Variants in SSH2 observed in about 807,000 individuals in gnomAD.
The protein encoded by SSH2 is protein phosphatase Slingshot homolog 2.
In SSH2, 37 loss-of-function variants were observed where a neutral mutation model predicts 135.2. The ratio of observed to expected loss-of-function variants is 0.27; its 90% confidence interval spans 0.21 to 0.36. The LOEUF (loss-of-function observed/expected upper bound fraction) is 0.36. Ranked by LOEUF, SSH2 falls within the 10% of genes least tolerant of loss-of-function variation. The probability of loss-of-function intolerance (pLI) is 1.00; values close to 1 mark genes in which losing one functional copy is unlikely to be tolerated. For synonymous variants in SSH2, 628 were observed against 646.2 expected, an observed-to-expected ratio of 0.97 and a Z score of 0.43; for missense variants, 1,408 against 1,765.3, an observed-to-expected ratio of 0.80 and a Z score of 3.63.
chr17:29,736,896 G>C (rs746388956), intron 3 of SSH2, among the ~76,000 whole-genome samples: 1 of 148,012 alleles, frequency 6.8e-6, no homozygotes, highest in Admixed American at 6.8e-5. Flanking sequence ...TCAGGAGATC[G>C]AGACCATCCT....
intron 9 of SSH2, among the ~76,000 whole-genome samples, chr17:29,670,693 G>GA (rs768604547): frequency 2.6e-5 from 4 of 152,192 alleles, no homozygotes; most frequent in African/African-American, 4.8e-5. Context: ...AGAATTGCTT[G>GA]AACCCGGGAG....
At chr17:29,842,499 C>T (rs2043060748) in intron 2 of SSH2, among the ~76,000 whole-genome samples, 1 of 151,154 alleles carries the variant, frequency 6.6e-6, no homozygotes, top group African/African-American at 2.4e-5. Context: ...AATGGGCAGC[C>T]ACAATGAGAA....
intron 1 of SSH2, among the ~76,000 whole-genome samples, chr17:29,921,873 T>A (rs1209437344): frequency 1.3e-5 from 2 of 152,204 alleles, no homozygotes; most frequent in Non-Finnish European, 2.9e-5. Context: ...TTTTGAGCTC[T>A]GATAATACAA....
chr17:29,863,646 G>A (rs1250756941), intron 1 of SSH2: 1 of 152,138 alleles, frequency 6.6e-6, no homozygotes, highest in Admixed American at 6.5e-5. Flanking sequence ...TCAGAACCTT[G>A]ACAACTGCAT....
intron 14 of SSH2, chr17:29,641,820 G>C (rs1381833789): frequency 6.6e-6 from 1 of 152,044 alleles, no homozygotes; most frequent in Non-Finnish European, 1.5e-5. Flanking sequence ...AAAGGAAAAG[G>C]CTGCTAAAAA....
At chr17:29,734,970 A>C in intron 3 of SSH2, among the ~76,000 whole-genome samples, 1 of 152,156 alleles carries the variant, frequency 6.6e-6, no homozygotes, top group East Asian at 1.9e-4. Context: ...AAAAGAGTTT[A>C]CTTGGGTTTC....
intron 3 of SSH2, among the ~76,000 whole-genome samples, chr17:29,724,097 A>G (rs966826800): frequency 3.3e-5 from 5 of 152,218 alleles, no homozygotes; most frequent in African/African-American, 1.2e-4. Flanking sequence ...TGACAGCAAA[A>G]GCTACAACAG....
Position 29,746,590 on chromosome 17 carries a change from T to C in SSH2, c.189-43528A>G, listed in dbSNP as rs555465198. Among the ~76,000 whole-genome samples, 34 of 139,838 alleles carry C rather than the reference T, an allele frequency of 2.4e-4. 2 individuals are homozygous for C. The East Asian group carries it at 4.9e-3, about 20-fold the overall frequency. The allele number at this position is 139,838 out of a possible 152,430, so 91.7% of individuals were successfully genotyped here. On this transcript the variant is annotated intron_variant, in intron 3 of 15. Coordinates refer to ENST00000540801, the MANE Select transcript of SSH2 (RefSeq NM_001282129.2). ...AAAAAAAAGGAAAAAAGAGAGATGA[T>C]ACAATTATGGGAAATTAAAACTTTT...
intron 8 of SSH2, chr17:29,676,571 T>G: frequency 2.3e-6 from 1 of 436,584 alleles, no homozygotes; most frequent in Non-Finnish European, 4.2e-6. Context: ...TCTAAACCGT[T>G]AAGTCTCTGC....
At chr17:29,884,409 G>C (rs144761907) in intron 1 of SSH2, among the ~76,000 whole-genome samples, 1 of 152,190 alleles carries the variant, frequency 6.6e-6, no homozygotes, top group East Asian at 1.9e-4. Flanking sequence ...CCTTACATAT[G>C]GGGGCTTTCA....
chr17:29,852,709 G>A (rs1284757590), intron 1 of SSH2, among the ~76,000 whole-genome samples: 4 of 151,446 alleles, frequency 2.6e-5, no homozygotes, highest in East Asian at 1.9e-4. Flanking sequence ...GTGCCACCAC[G>A]CCGGCTAATT....
chr17:29,694,741 T>C (rs1371993490), intron 5 of SSH2, among the ~76,000 whole-genome samples: 1 of 152,150 alleles, frequency 6.6e-6, no homozygotes, highest in Non-Finnish European at 1.5e-5. Context: ...CTTATGTTTT[T>C]TTAAAAAAAC....
intron 1 of SSH2, among the ~76,000 whole-genome samples, chr17:29,899,255 C>A (rs951015418): frequency 2.0e-5 from 3 of 151,918 alleles, no homozygotes; most frequent in African/African-American, 7.3e-5. Context: ...TCCTATTCAA[C>A]ATAGTGTTGG....
At chr17:29,720,842 A>G (rs2039798772) in intron 3 of SSH2, among the ~76,000 whole-genome samples, 1 of 152,248 alleles carries the variant, frequency 6.6e-6, no homozygotes, top group Non-Finnish European at 1.5e-5. Flanking sequence ...AAGGGAAAAG[A>G]GAAAGCAAGT....
chr17:29,859,406 C>T (rs2065721453), intron 1 of SSH2, among the ~76,000 whole-genome samples: 3 of 152,046 alleles, frequency 2.0e-5, no homozygotes, highest in Non-Finnish European at 2.9e-5. Context: ...GGTATTAAAC[C>T]TAGGACTCAT....
chr17:29,700,095 T>C (rs1256656476), intron 4 of SSH2, among the ~76,000 whole-genome samples: 1 of 152,240 alleles, frequency 6.6e-6, no homozygotes, highest in African/African-American at 2.4e-5. Context: ...ACTAAAGCTA[T>C]GCTCAACTAC....
Position 29,682,351 on chromosome 17 carries a change from A to G in SSH2, c.479+2212T>C, listed in dbSNP as rs142575219. Among the ~76,000 whole-genome samples the G allele has an allele frequency of 4.5e-3, 691 of 152,310 alleles. 8 individuals are homozygous for G. Among genetic ancestry groups the G allele is most frequent in the African/African-American group, 0.016 (653 of 41,564 alleles). ...GAGCTAGAACAGTGCTGTCCAACTG[A>G]ACTTTCTGCAAGAATGGAAAATGTT... On this transcript the variant is annotated intron_variant, in intron 6 of 15. Transcript: ENST00000540801.
chr17:29,913,775 C>T (rs150054421), intron 1 of SSH2, among the ~76,000 whole-genome samples: 148 of 151,922 alleles, frequency 9.7e-4, no homozygotes, highest in Middle Eastern at 3.4e-3. Flanking sequence ...GCTGGGATTA[C>T]AGGCAAGCAC....
chr17:29,653,665 C>T (rs186356444), intron 12 of SSH2, among the ~76,000 whole-genome samples: 190 of 152,194 alleles, frequency 1.2e-3, no homozygotes, highest in African/African-American at 4.4e-3. Context: ...CAGCTCACTG[C>T]AACCGCCACC....
Sources: allele counts gnomAD v4.1 joint callset (sites outside exome capture counted in the v4.1 genomes callset), GRCh38; gene constraint gnomAD v4.1.1; transcripts MANE v1.5; gene names NCBI Gene and HGNC (gene_info 2026-07-23, HGNC 2026-07-21).